RBFOX3: variants seen among roughly 807,000 people sequenced by gnomAD.
The protein encoded by RBFOX3 is RNA binding fox-1 homolog 3.
Under a neutral mutation model 48.7 loss-of-function variants are expected in RBFOX3, and 17 were observed. The ratio of observed to expected loss-of-function variants is 0.35; its 90% CI spans 0.24 to 0.52. The LOEUF is 0.52. Ranked by LOEUF, RBFOX3 falls within the 20% of genes least tolerant of loss-of-function variation. The probability of loss-of-function intolerance (pLI) is 0.94; values close to 1 mark genes in which losing one functional copy is unlikely to be tolerated. For synonymous variants in RBFOX3, 212 were observed against 209.5 expected (o/e 1.01, Z -0.10); for missense variants, 382 against 497.5 (o/e 0.77, Z 2.21).
At chr17:79,640,502 A>T in the RBFOX3 span, among the ~76,000 whole-genome samples, 28 of 152,344 alleles carry the variant, frequency 1.8e-4, no homozygotes, top group African/African-American at 6.3e-4. Flanking sequence ...TGAATAGCCA[A>T]GCAATTTTGA....
intron 1 of RBFOX3, among the ~76,000 whole-genome samples, chr17:79,513,303 T>C (rs2084767079): frequency 1.3e-5 from 2 of 152,174 alleles, no homozygotes; most frequent in South Asian, 4.1e-4. Context: ...CACGGTCCCA[T>C]GGCCAGGTGA....
At chr17:79,190,679 C>A (rs1227598088) in intron 4 of RBFOX3, among the ~76,000 whole-genome samples, 2 of 152,296 alleles carry the variant, frequency 1.3e-5, no homozygotes, top group East Asian at 3.9e-4. Context: ...TCGTGGTACA[C>A]AAACCTTTTC....
chr17:79,659,617 C>G, the RBFOX3 span, among the ~76,000 whole-genome samples: 1 of 152,164 alleles, frequency 6.6e-6, no homozygotes, highest in Admixed American at 6.5e-5. Flanking sequence ...ACCTCCCATG[C>G]TGGACCCTCC....
chr17:79,333,048 CAG>C (rs986507004), intron 2 of RBFOX3, among the ~76,000 whole-genome samples: 5 of 150,366 alleles, frequency 3.3e-5, no homozygotes, highest in African/African-American at 1.2e-4. Flanking sequence ...TATAGATAGA[CAG>C]AGACATAGAG....
chr17:79,250,998 G>A (rs530771021), intron 3 of RBFOX3, among the ~76,000 whole-genome samples: 2 of 152,018 alleles, frequency 1.3e-5, no homozygotes, highest in Admixed American at 6.5e-5. Context: ...TAGTAGAGAC[G>A]GGGTTTCACC....
the RBFOX3 span, among the ~76,000 whole-genome samples, chr17:79,661,353 G>A: frequency 6.6e-6 from 1 of 152,160 alleles, no homozygotes; most frequent in Non-Finnish European, 1.5e-5. Flanking sequence ...AACTTCACAT[G>A]AGTGGAATGC....
At chr17:79,290,116 G>A (rs2072941546) in intron 3 of RBFOX3, among the ~76,000 whole-genome samples, 1 of 152,060 alleles carries the variant, frequency 6.6e-6, no homozygotes, top group Non-Finnish European at 1.5e-5. Context: ...CAGGTGGTGG[G>A]AGACAAGCAC....
intron 5 of RBFOX3, among the ~76,000 whole-genome samples, chr17:79,109,635 C>T (rs1383189805): frequency 6.6e-6 from 1 of 152,222 alleles, no homozygotes; most frequent in East Asian, 1.9e-4. Context: ...ATTGGACAGG[C>T]GTGGGTCTTT....
chr17:79,118,980 A>AG (rs2034922368), intron 4 of RBFOX3, among the ~76,000 whole-genome samples: 1 of 144,430 alleles, frequency 6.9e-6, no homozygotes, highest in African/African-American at 2.6e-5. Context: ...TGTCTCAAAA[A>AG]AAAAAAAAAA....
At chr17:79,493,563 C>T (rs2081010436) in intron 1 of RBFOX3, among the ~76,000 whole-genome samples, 1 of 152,170 alleles carries the variant, frequency 6.6e-6, no homozygotes, top group African/African-American at 2.4e-5. Flanking sequence ...GAGAGGCCTT[C>T]CCTGACCACC....
chr17:79,396,953 CCT>C (rs145457538), intron 2 of RBFOX3, among the ~76,000 whole-genome samples: 43 of 152,356 alleles, frequency 2.8e-4, no homozygotes, highest in East Asian at 1.9e-3. Context: ...AGAACGAACC[CCT>C]GTCACAGCGG....
At chr17:79,233,524 T>A (rs1001133734) in intron 4 of RBFOX3, 1 of 152,098 alleles carries the variant, frequency 6.6e-6, no homozygotes, top group Non-Finnish European at 1.5e-5. Flanking sequence ...TGTACTTCAA[T>A]AAAACTATTT....
chr17:79,121,955 C>G (rs1300434721), intron 4 of RBFOX3, among the ~76,000 whole-genome samples: 1 of 152,176 alleles, frequency 6.6e-6, no homozygotes, highest in Non-Finnish European at 1.5e-5. Flanking sequence ...ATCTGATACA[C>G]TTTGGGGGTT....
chr17:79,456,129 A>T (rs2074446723), intron 2 of RBFOX3, among the ~76,000 whole-genome samples: 1 of 152,050 alleles, frequency 6.6e-6, no homozygotes, highest in Non-Finnish European at 1.5e-5. Context: ...AGCCTGAAGG[A>T]CATCACACTG....
At chr17:79,656,796 AAGAAAGAAAGAAAAGAAAG>A in the RBFOX3 span, among the ~76,000 whole-genome samples, 5 of 1,160 alleles carry the variant, frequency 4.3e-3, no homozygotes, top group East Asian at 0.034. Flanking sequence ...GAAAGAAAGA[AAGAAAGAAAGAAAAGAAAG>A]AGAAAGAAAG....
chr17:79,172,193 A>G (rs924639029), intron 4 of RBFOX3, among the ~76,000 whole-genome samples: 2 of 151,414 alleles, frequency 1.3e-5, no homozygotes, highest in South Asian at 2.1e-4. Flanking sequence ...AAAAAAAAAA[A>G]AGAGAAAAAG....
At chr17:79,237,444 C>T (rs950786543) in intron 3 of RBFOX3, among the ~76,000 whole-genome samples, 8 of 152,342 alleles carry the variant, frequency 5.3e-5, no homozygotes, top group East Asian at 3.9e-4. Context: ...GCTGGTGAAG[C>T]GACTGTGGCC....
chr17:79,488,161 G>A (rs1384800883), intron 1 of RBFOX3, among the ~76,000 whole-genome samples: 1 of 152,092 alleles, frequency 6.6e-6, no homozygotes, highest in Non-Finnish European at 1.5e-5. Context: ...ATACATCCTG[G>A]ATTTTTTTCC....
At chr17:79,374,076 T>C (rs958964340) in intron 2 of RBFOX3, among the ~76,000 whole-genome samples, 1 of 152,196 alleles carries the variant, frequency 6.6e-6, no homozygotes, top group African/African-American at 2.4e-5. Context: ...TTGGCCAGGC[T>C]GGTCTCGCAC....
Sources: allele counts gnomAD v4.1 joint callset (sites outside exome capture counted in the v4.1 genomes callset), GRCh38; gene constraint gnomAD v4.1.1; transcripts MANE v1.5; gene names NCBI Gene and HGNC (gene_info 2026-07-23, HGNC 2026-07-21).